Variants in ARSB observed in about 807,000 individuals in gnomAD.
ARSB encodes the protein N-acetylgalactosamine-4-sulfatase.
In ARSB, 41 loss-of-function variants were observed where a neutral mutation model predicts 50.9. That is an observed-to-expected ratio of 0.81 (90% CI 0.63 to 1.04). The LOEUF is 1.04. ARSB is among the 50% of genes least tolerant of loss of function. ARSB has a pLI of 0.00. For missense variants in ARSB, 672 were observed against 693.3 expected, an observed-to-expected ratio of 0.97 and a Z score of 0.35; for synonymous variants, 269 against 284.8, an observed-to-expected ratio of 0.94 and a Z score of 0.56.
chr5:78,894,927 G>C (rs930895219), intron 4 of ARSB, among the ~76,000 whole-genome samples: 1 of 152,150 alleles, frequency 6.6e-6, no homozygotes, highest in Non-Finnish European at 1.5e-5. Flanking sequence ...GAAAGAACAT[G>C]GAAGGCAGCC....
At chr5:78,895,102 C>A (rs768700137) in intron 4 of ARSB, among the ~76,000 whole-genome samples, 1 of 152,192 alleles carries the variant, frequency 6.6e-6, no homozygotes, top group Non-Finnish European at 1.5e-5. Flanking sequence ...ATAGGCACCA[C>A]GAAGTCCATG....
intron 4 of ARSB, among the ~76,000 whole-genome samples, chr5:78,888,518 A>G (rs1281632187): frequency 6.6e-6 from 1 of 152,212 alleles, no homozygotes; most frequent in Non-Finnish European, 1.5e-5. Context: ...CTGGCTCAAT[A>G]CTTTAGAAGA....
chr5:78,925,402 C>T (rs1422711265), intron 4 of ARSB, among the ~76,000 whole-genome samples: 2 of 151,968 alleles, frequency 1.3e-5, no homozygotes, highest in Non-Finnish European at 2.9e-5. Context: ...GCTGACAAAG[C>T]AGTGGGAATG....
At chr5:78,828,337 C>T (rs1443673844) in intron 6 of ARSB, among the ~76,000 whole-genome samples, 1 of 152,038 alleles carries the variant, frequency 6.6e-6, no homozygotes, top group Non-Finnish European at 1.5e-5. Flanking sequence ...GGATGAAATC[C>T]CATCTCCTTA....
At chr5:78,902,431 C>G (rs1748850343) in intron 4 of ARSB, among the ~76,000 whole-genome samples, 1 of 152,132 alleles carries the variant, frequency 6.6e-6, no homozygotes, top group Non-Finnish European at 1.5e-5. Context: ...AATATATGTC[C>G]ACACAAAAAT....
intron 1 of ARSB, among the ~76,000 whole-genome samples, chr5:78,983,943 G>A (rs1460570410): frequency 6.6e-6 from 1 of 152,154 alleles, no homozygotes; most frequent in Non-Finnish European, 1.5e-5. Context: ...AAGGCATGCA[G>A]GTGGTATCCA....
intron 4 of ARSB, among the ~76,000 whole-genome samples, chr5:78,924,379 ATTG>A (rs1749958998): frequency 6.6e-6 from 1 of 152,170 alleles, no homozygotes; most frequent in Non-Finnish European, 1.5e-5. Flanking sequence ...CGATTTAATC[ATTG>A]TGCTACACAG....
chr5:78,857,894 A>G (rs1431810633), intron 5 of ARSB, among the ~76,000 whole-genome samples: 3 of 152,212 alleles, frequency 2.0e-5, no homozygotes, highest in Non-Finnish European at 2.9e-5. Context: ...GCTAGTTTGG[A>G]TAACAGTAGC....
chr5:78,949,100 C>T (rs145942850), intron 4 of ARSB, among the ~76,000 whole-genome samples: 40 of 152,324 alleles, frequency 2.6e-4, no homozygotes, highest in Middle Eastern at 3.4e-3. Flanking sequence ...AAATGCTCCA[C>T]TGCTGCAGGT....
chr5:78,819,517 A>T (rs1215824673), intron 6 of ARSB, among the ~76,000 whole-genome samples: 1 of 152,250 alleles, frequency 6.6e-6, no homozygotes, highest in Non-Finnish European at 1.5e-5. Flanking sequence ...ATGAAGGAAA[A>T]ACATTTCCCA....
chr5:78,867,477 G>T (rs578201003), intron 5 of ARSB, among the ~76,000 whole-genome samples: 2 of 152,202 alleles, frequency 1.3e-5, no homozygotes, highest in East Asian at 1.9e-4. Flanking sequence ...ATCTGAGAAC[G>T]GGTAGACTGC....
intron 6 of ARSB, among the ~76,000 whole-genome samples, chr5:78,782,505 A>G (rs1478496845): frequency 1.3e-5 from 2 of 152,250 alleles, no homozygotes; most frequent in African/African-American, 2.4e-5. Flanking sequence ...AACTATTCAG[A>G]CAGGATAACT....
chr5:78,856,344 G>A (rs1422898568), intron 5 of ARSB, among the ~76,000 whole-genome samples: 2 of 152,102 alleles, frequency 1.3e-5, no homozygotes, highest in Non-Finnish European at 2.9e-5. Context: ...GGACACTTAG[G>A]TAAGAAGTCC....
chr5:78,826,521 G>A (rs1212248036), intron 6 of ARSB, among the ~76,000 whole-genome samples: 1 of 152,152 alleles, frequency 6.6e-6, no homozygotes, highest in East Asian at 1.9e-4. Flanking sequence ...AATAATATGT[G>A]CTCTAAAGAA....
At chr5:78,821,614 T>C (rs1265760678) in intron 6 of ARSB, among the ~76,000 whole-genome samples, 2 of 152,240 alleles carry the variant, frequency 1.3e-5, no homozygotes, top group African/African-American at 2.4e-5. Context: ...ATTTTTAGAA[T>C]GTGGGAAAAT....
At chr5:78,895,622 A>G (rs1024124140) in intron 4 of ARSB, among the ~76,000 whole-genome samples, 4 of 152,244 alleles carry the variant, frequency 2.6e-5, no homozygotes, top group African/African-American at 9.6e-5. Context: ...GACTGAAAAG[A>G]GAGAAAATTA....
At chr5:78,945,372 T>C (rs1289628028) in intron 4 of ARSB, among the ~76,000 whole-genome samples, 1 of 152,202 alleles carries the variant, frequency 6.6e-6, no homozygotes, top group Non-Finnish European at 1.5e-5. Context: ...GCGTCGCACA[T>C]GTTGGAAGCT....
intron 6 of ARSB, among the ~76,000 whole-genome samples, chr5:78,787,580 C>T (rs1018971132): frequency 1.3e-5 from 2 of 152,058 alleles, no homozygotes; most frequent in Non-Finnish European, 2.9e-5. Context: ...AAGTGATGAG[C>T]AAAGAGACAT....
chr5:78,919,426 T>G (rs1749700984), intron 4 of ARSB, among the ~76,000 whole-genome samples: 1 of 152,212 alleles, frequency 6.6e-6, no homozygotes, highest in African/African-American at 2.4e-5. Flanking sequence ...TTTGTGTGCT[T>G]AGTGTGCAGC....
Sources: gnomAD v4.1 joint callset for allele counts (sites outside exome capture counted in the v4.1 genomes callset) on GRCh38, gnomAD v4.1.1 for gene constraint, MANE v1.5 for transcripts, NCBI Gene and HGNC (gene_info 2026-07-23, HGNC 2026-07-21) for gene names.